EYS: variants seen among roughly 807,000 people sequenced by gnomAD.
The protein encoded by EYS is protein eyes shut homolog.
EYS carries 250 observed loss-of-function variants against 282.1 expected under a neutral mutation model. That is an observed-to-expected ratio of 0.89 (90% CI 0.80 to 0.98). The LOEUF is 0.98. EYS is among the 50% of genes least tolerant of loss of function. The probability of loss-of-function intolerance (pLI) is 0.00; values close to 1 mark genes in which losing one functional copy is unlikely to be tolerated. For missense variants in EYS, 4,016 were observed against 3,709.0 expected, an observed-to-expected ratio of 1.08 and a Z score of -2.15; for synonymous variants, 1,355 against 1,282.9, an observed-to-expected ratio of 1.06 and a Z score of -1.20.
chr6:64,692,977 C>CTTTTTTTTTTTTTTTTT lies in EYS; in HGVS notation c.3444-66749_3444-66733dup, dbSNP rs67700846. ...CTTGGGATTGGTTTGGCTGCTTGGGCTTTTTTTTTTTTTTTTTTTTTTGGT... is the reference window on the plus strand; with the variant it reads ...CTTGGGATTGGTTTGGCTGCTTGGGCTTTTTTTTTTTTTTTTTTTTTTTTTTTTTTTTTTTTTTTGGT... On this transcript the variant is annotated intron_variant, in intron 22 of 42. Coordinates refer to ENST00000503581, the MANE Select transcript of EYS (RefSeq NM_001142800.2). 4.6e-3 allele frequency among the ~76,000 whole-genome samples: 53 copies of CTTTTTTTTTTTTTTTTT among 11,500 alleles called. 19 individuals carry two copies. Among genetic ancestry groups the CTTTTTTTTTTTTTTTTT allele is most frequent in the South Asian group, 0.017 (2 of 120 alleles). The allele number at this position is 11,500 out of a possible 152,430, so 7.5% of individuals were successfully genotyped here. A position where few individuals can be genotyped will look rare whatever the true frequency, so the allele number is the denominator to read the frequency against.
Position 65,494,973 on chromosome 6 carries a change from A to C in EYS, c.438T>G (p.His146Gln). ...VNSKWLSVGTHYFITVMASGP... is the reference protein window; with the variant it reads ...VNSKWLSVGTQYFITVMASGP... ...CACTTGCCATAACTGTGATAAAATA[A>C]TGTGTCCCAACACTCAGCCACTTAG... Residue 146 changes from histidine to glutamine, a missense_variant, in exon 4 of 43, where the codon CAT (histidine) becomes CAG (glutamine). Transcript: ENST00000503581. 6.2e-7 allele frequency: 1 copy of C among 1,614,194 alleles called. No individual in the cohort carries two copies.
At chr6:65,702,662 T>C (rs1769720102) in intron 1 of EYS, among the ~76,000 whole-genome samples, 1 of 151,998 alleles carries the variant, frequency 6.6e-6, no homozygotes, top group Admixed American at 6.6e-5. Flanking sequence ...AGGGCATTCC[T>C]GCCTGGGTGA....
chr6:65,161,131 A>G (rs926439177), intron 12 of EYS, among the ~76,000 whole-genome samples: 9 of 151,012 alleles, frequency 6.0e-5, no homozygotes, highest in Non-Finnish European at 3.0e-5. Context: ...TTCAGTAAGC[A>G]ATAAGGAGTT....
At chr6:64,604,824 T>C (rs1037986814) in intron 24 of EYS, among the ~76,000 whole-genome samples, 12 of 151,970 alleles carry the variant, frequency 7.9e-5, no homozygotes, top group African/African-American at 2.9e-4. Context: ...ATGGAAAGCA[T>C]AGCTCAGGGG....
At chr6:65,073,888 C>T (rs1446476160) in intron 12 of EYS, among the ~76,000 whole-genome samples, 1 of 151,788 alleles carries the variant, frequency 6.6e-6, no homozygotes, top group East Asian at 1.9e-4. Flanking sequence ...AACACTGCCA[C>T]CTAGAAATGA....
At chr6:65,654,039 A>T (rs1304687764) in intron 1 of EYS, among the ~76,000 whole-genome samples, 1 of 151,936 alleles carries the variant, frequency 6.6e-6, no homozygotes, top group Non-Finnish European at 1.5e-5. Context: ...TTGATATAAA[A>T]AGTTATAGGA....
At chr6:64,252,529 A>G (rs965946879) in intron 30 of EYS, among the ~76,000 whole-genome samples, 1 of 152,116 alleles carries the variant, frequency 6.6e-6, no homozygotes, top group Non-Finnish European at 1.5e-5. Flanking sequence ...TCCCCTTCTT[A>G]GAACATTCAG....
In EYS at chr6:63,973,142, T is replaced by C. The variant is rs527333486; in HGVS notation, c.7055+11241A>G. Among the ~76,000 whole-genome samples, 3 of 152,206 alleles carry C rather than the reference T, an allele frequency of 2.0e-5. No homozygotes were observed. The South Asian group carries it at 6.2e-4, about 32-fold the overall frequency. Reference sequence around the variant, plus strand: ...TGAGGAATCGCCACACTGTCTTCCATAATGGTTGAAGTAATTTACACTTCC... The same window carrying C: ...TGAGGAATCGCCACACTGTCTTCCACAATGGTTGAAGTAATTTACACTTCC... On this transcript the variant is annotated intron_variant, in intron 35 of 42. Coordinates refer to ENST00000503581, the MANE Select transcript of EYS (RefSeq NM_001142800.2).
At chr6:64,170,397 T>C (rs529216995) in intron 31 of EYS, among the ~76,000 whole-genome samples, 1 of 152,180 alleles carries the variant, frequency 6.6e-6, no homozygotes, top group Admixed American at 6.6e-5. Context: ...AAATGTATTG[T>C]CTCATAGTTA....
chr6:64,342,097 T>A (rs2150397223), intron 29 of EYS, among the ~76,000 whole-genome samples: 1 of 151,650 alleles, frequency 6.6e-6, no homozygotes, highest in South Asian at 2.1e-4. Flanking sequence ...GTAAAAATAT[T>A]GTATATAGTA....
chr6:63,834,161 A>C (rs529992092), intron 36 of EYS, among the ~76,000 whole-genome samples: 2 of 152,210 alleles, frequency 1.3e-5, no homozygotes. Flanking sequence ...CAAGGACTTC[A>C]TGACTAAAAC....
rs192688007 is a variant in EYS at position 65,673,470 on chromosome 6, G to T, written c.-447-33578C>A. On this transcript the variant is annotated intron_variant, in intron 1 of 42. Coordinates refer to ENST00000503581, the MANE Select transcript of EYS (RefSeq NM_001142800.2). ...TCTGAATAAGAGAAAGAGAAAAACAGGTATTTAAGGACTAAGAATTGGGAG... is the reference window on the plus strand; with the variant it reads ...TCTGAATAAGAGAAAGAGAAAAACATGTATTTAAGGACTAAGAATTGGGAG... 1.4e-4 allele frequency among the ~76,000 whole-genome samples: 21 copies of T among 152,188 alleles called. No homozygotes were observed. The East Asian group carries it at 4.1e-3, about 29-fold the overall frequency.
intron 22 of EYS, among the ~76,000 whole-genome samples, chr6:64,679,358 C>G (rs1373138921): frequency 6.6e-6 from 1 of 152,120 alleles, no homozygotes; most frequent in Non-Finnish European, 1.5e-5. Flanking sequence ...TTCAAGTACT[C>G]CATAATCTTC....
intron 2 of EYS, among the ~76,000 whole-genome samples, chr6:65,533,568 C>A (rs574991315): frequency 6.6e-6 from 1 of 152,104 alleles, no homozygotes; most frequent in Non-Finnish European, 1.5e-5. Context: ...TGATGAATAT[C>A]CCTAATGTGG....
chr6:64,718,717 T>A (rs1484325356), intron 22 of EYS, among the ~76,000 whole-genome samples: 1 of 152,192 alleles, frequency 6.6e-6, no homozygotes, highest in Non-Finnish European at 1.5e-5. Flanking sequence ...CTGTAAAAGG[T>A]TAAAAATAGT....
chr6:65,031,062 T>C lies in EYS; in HGVS notation c.2137+26552A>G, dbSNP rs1011138048. ...GATAAAAGAAGGGCATTACACATGA[T>C]AAATAGGTCAATTCAACAAGAAGAC... On this transcript the variant is annotated intron_variant, in intron 13 of 42. Coordinates refer to ENST00000503581, the MANE Select transcript of EYS (RefSeq NM_001142800.2). Among the ~76,000 whole-genome samples, 6 of 151,316 alleles carry C rather than the reference T, an allele frequency of 4.0e-5. No individual in the cohort carries two copies. In the East Asian group the frequency reaches 1.2e-3, roughly 29 times the overall value.
At chr6:65,052,931 A>C (rs1412307563) in intron 13 of EYS, among the ~76,000 whole-genome samples, 1 of 151,766 alleles carries the variant, frequency 6.6e-6, no homozygotes, top group Non-Finnish European at 1.5e-5. Flanking sequence ...TGTTTTTTAA[A>C]AAATGAAGAA....
rs75949031 is a variant in EYS, at chr6:65,583,979, A to T, written c.-333+55799T>A. ...ATATTACTTAAAATAAAAAAAAAAA[A>T]TTTCAGACTACAGAAAATTAAAGCA... On this transcript the variant is annotated intron_variant, in intron 2 of 42. Coordinates refer to ENST00000503581, the MANE Select transcript of EYS (RefSeq NM_001142800.2). 1.5e-4 allele frequency among the ~76,000 whole-genome samples: 22 copies of T among 148,266 alleles called. 1 individual carries two copies. Among genetic ancestry groups the T allele is most frequent in the Admixed American group, 1.5e-3 (22 of 14,860 alleles).
At position 65,314,870 on chromosome 6, in the gene EYS, G is replaced by A. The variant is rs996809035; in HGVS notation, c.1767-18751C>T. Among the ~76,000 whole-genome samples the A allele has an allele frequency of 2.7e-4, 41 of 152,012 alleles. 2 individuals carry two copies. Among genetic ancestry groups the A allele is most frequent in the African/African-American group, 6.8e-4 (28 of 41,446 alleles). On this transcript the variant is annotated intron_variant, in intron 11 of 42. Transcript: ENST00000503581. Reference sequence around the variant, plus strand: ...ATCAACTAACAATCCCATACAGAAGGGTCACTGTTTATATTTCTCCAAAGC... The same window carrying A: ...ATCAACTAACAATCCCATACAGAAGAGTCACTGTTTATATTTCTCCAAAGC...
Sources: gnomAD v4.1 joint callset for allele counts (sites outside exome capture counted in the v4.1 genomes callset) on GRCh38, gnomAD v4.1.1 for gene constraint, MANE v1.5 for transcripts, NCBI Gene and HGNC (gene_info 2026-07-23, HGNC 2026-07-21) for gene names.